The following CSMD1 variants were observed in gnomAD, a reference collection of about 807,000 sequenced individuals.
The protein encoded by CSMD1 is CUB and sushi domain-containing protein 1.
In CSMD1, 213 loss-of-function variants were observed where a neutral mutation model predicts 417.5. The ratio of observed to expected loss-of-function variants is 0.51; its 90% confidence interval spans 0.46 to 0.57. The LOEUF is 0.57. CSMD1 is among the 20% of genes least tolerant of loss of function. CSMD1 has a pLI of 0.00. For synonymous variants in CSMD1, 2,862 were observed against 1,736.8 expected (o/e 1.65, Z -16.11); for missense variants, 6,923 against 4,529.7 (o/e 1.53, Z -15.17).
chr8:4,470,753 C>G (rs1200560766), intron 2 of CSMD1, among the ~76,000 whole-genome samples: 4 of 152,140 alleles, frequency 2.6e-5, no homozygotes, highest in Admixed American at 2.6e-4. Flanking sequence ...CCATGAATGA[C>G]TTAATTGGAC....
At chr8:4,326,753 T>G (rs945537194) in intron 3 of CSMD1, among the ~76,000 whole-genome samples, 3 of 152,288 alleles carry the variant, frequency 2.0e-5, no homozygotes, top group South Asian at 2.1e-4. Flanking sequence ...AATGCCCATC[T>G]TCAGAAGAAG....
chr8:4,373,074 T>C (rs1487026915), intron 3 of CSMD1, among the ~76,000 whole-genome samples: 1 of 152,190 alleles, frequency 6.6e-6, no homozygotes, highest in African/African-American at 2.4e-5. Flanking sequence ...GAAGACAGTT[T>C]ACCTGTGTGG....
chr8:2,991,898 GT>G (rs1806419532), intron 54 of CSMD1, among the ~76,000 whole-genome samples: 1 of 152,116 alleles, frequency 6.6e-6, no homozygotes, highest in Admixed American at 6.5e-5. Flanking sequence ...AGGAAATTTC[GT>G]TTAAGAAGGT....
At chr8:4,350,566 T>C (rs897203254) in intron 3 of CSMD1, among the ~76,000 whole-genome samples, 4 of 152,154 alleles carry the variant, frequency 2.6e-5, no homozygotes, top group East Asian at 1.9e-4. Context: ...TCCACATTTA[T>C]TCAATTAACA....
At chr8:4,556,046 T>C (rs1173623694) in intron 2 of CSMD1, among the ~76,000 whole-genome samples, 5 of 152,092 alleles carry the variant, frequency 3.3e-5, no homozygotes, top group Admixed American at 6.5e-5. Flanking sequence ...TTAAATAAAA[T>C]ATAATTATTT....
intron 1 of CSMD1, among the ~76,000 whole-genome samples, chr8:4,823,971 C>G (rs906103537): frequency 6.6e-6 from 1 of 151,912 alleles, no homozygotes; most frequent in Non-Finnish European, 1.5e-5. Flanking sequence ...CACACATACA[C>G]ACCCACGCAT....
At chr8:4,876,042 A>T (rs999948426) in intron 1 of CSMD1, among the ~76,000 whole-genome samples, 1 of 152,100 alleles carries the variant, frequency 6.6e-6, no homozygotes, top group African/African-American at 2.4e-5. Flanking sequence ...GAAAAAACCT[A>T]TCAATTCAAT....
intron 12 of CSMD1, among the ~76,000 whole-genome samples, chr8:3,415,891 A>T (rs372982049): frequency 1.3e-3 from 203 of 152,340 alleles, no homozygotes; most frequent in African/African-American, 4.7e-3. Context: ...AGAATAAGTG[A>T]GATTTTTTAA....
intron 1 of CSMD1, among the ~76,000 whole-genome samples, chr8:4,915,871 T>A (rs1482001918): frequency 6.6e-6 from 1 of 152,200 alleles, no homozygotes; most frequent in African/African-American, 2.4e-5. Flanking sequence ...GTTGCTTAGA[T>A]CTTTTCAGCA....
intron 1 of CSMD1, among the ~76,000 whole-genome samples, chr8:4,822,027 G>T (rs1034537455): frequency 2.0e-5 from 3 of 151,822 alleles, no homozygotes; most frequent in Non-Finnish European, 4.4e-5. Flanking sequence ...CACTACTATG[G>T]GAATTATTAC....
At chr8:4,159,141 C>T (rs192894991) in intron 3 of CSMD1, among the ~76,000 whole-genome samples, 20 of 152,236 alleles carry the variant, frequency 1.3e-4, no homozygotes, top group Admixed American at 6.5e-4. Context: ...GTCTTGAACT[C>T]CCAACTTCAG....
intron 5 of CSMD1, among the ~76,000 whole-genome samples, chr8:3,922,978 T>C (rs1405787116): frequency 6.6e-6 from 1 of 152,182 alleles, no homozygotes; most frequent in East Asian, 1.9e-4. Flanking sequence ...CCAGGGCTGT[T>C]TCAGAGAAAT....
chr8:4,191,100 A>G (rs1240532088), intron 3 of CSMD1, among the ~76,000 whole-genome samples: 1 of 144,284 alleles, frequency 6.9e-6, no homozygotes, highest in Non-Finnish European at 1.5e-5. Context: ...ATAAAAGTTG[A>G]AAAAAATTCA....
intron 3 of CSMD1, among the ~76,000 whole-genome samples, chr8:4,374,659 G>A (rs1485526096): frequency 2.0e-5 from 3 of 152,134 alleles, no homozygotes; most frequent in Non-Finnish European, 4.4e-5. Context: ...TGTTTTCTGA[G>A]TAGACGGCTA....
chr8:4,436,257 A>T (rs943959190), intron 2 of CSMD1, among the ~76,000 whole-genome samples: 2 of 152,202 alleles, frequency 1.3e-5, no homozygotes, highest in African/African-American at 4.8e-5. Context: ...ACTTAAATAA[A>T]AATATTTTAA....
rs73660898 is a variant in CSMD1 at position 4,527,708 on chromosome 8, A to C, written c.303-107643T>G. Among the ~76,000 whole-genome samples the C allele has an allele frequency of 2.5e-3, 376 of 152,326 alleles. 5 individuals are homozygous for C. Among genetic ancestry groups the C allele is most frequent in the African/African-American group, 8.6e-3 (356 of 41,584 alleles). The stretch of plus-strand genomic sequence containing the variant: ...TTATACAGTACATTTCTTTCTATTA[A>C]TAGGTACACTGATAATGAAATGCAT... On this transcript the variant is annotated intron_variant, in intron 2 of 69. Coordinates refer to ENST00000635120, the MANE Select transcript of CSMD1 (RefSeq NM_033225.6).
intron 3 of CSMD1, among the ~76,000 whole-genome samples, chr8:4,156,470 G>A (rs1796840620): frequency 6.6e-6 from 1 of 152,116 alleles, no homozygotes; most frequent in Non-Finnish European, 1.5e-5. Flanking sequence ...CTCTTTTATT[G>A]AGCATTTTTA....
intron 2 of CSMD1, among the ~76,000 whole-genome samples, chr8:4,582,994 C>T (rs1459070866): frequency 6.6e-6 from 1 of 152,188 alleles, no homozygotes; most frequent in Non-Finnish European, 1.5e-5. Flanking sequence ...GGACGGTGTA[C>T]TGAATCCCCC....
At chr8:3,395,316 C>G (rs1006588452) in intron 17 of CSMD1, among the ~76,000 whole-genome samples, 1 of 152,092 alleles carries the variant, frequency 6.6e-6, no homozygotes, top group Non-Finnish European at 1.5e-5. Flanking sequence ...CTTTTTCTCG[C>G]TTTTTCCGTG....
Sources: allele counts gnomAD v4.1 joint callset (sites outside exome capture counted in the v4.1 genomes callset), GRCh38; gene constraint gnomAD v4.1.1; transcripts MANE v1.5; gene names NCBI Gene and HGNC (gene_info 2026-07-23, HGNC 2026-07-21).